Variants in CRY1 observed in about 807,000 individuals in gnomAD.
The protein encoded by CRY1 is cryptochrome-1.
In CRY1, 45 loss-of-function variants were observed where a neutral mutation model predicts 76.0. That is an observed-to-expected ratio of 0.59 (90% CI 0.47 to 0.76). The LOEUF (loss-of-function observed/expected upper bound fraction) is 0.76. CRY1 is among the 30% of genes least tolerant of loss of function. CRY1 has a pLI of 0.00. For synonymous variants in CRY1, 248 were observed against 244.0 expected (o/e 1.02, Z -0.15); for missense variants, 587 against 716.4 (o/e 0.82, Z 2.06).
At chr12:107,023,189 C>T (rs1394411849) in intron 1 of CRY1, among the ~76,000 whole-genome samples, 1 of 152,094 alleles carries the variant, frequency 6.6e-6, no homozygotes, top group Non-Finnish European at 1.5e-5. Context: ...TTTTCACAGG[C>T]CACATGGTCT....
chr12:107,076,337 G>A lies in CRY1; in HGVS notation c.158+16467C>T, dbSNP rs181804105. Among the ~76,000 whole-genome samples, 93 of 152,074 alleles carry A rather than the reference G, an allele frequency of 6.1e-4. No homozygotes were observed. In the East Asian group the frequency reaches 0.014, roughly 22 times the overall value. Reference sequence around the variant, plus strand: ...TAGAAACTCCCTTTTCAGGCTGGACGCAGTGGTGCATGCCTGTAATCCCAG... The same window carrying A: ...TAGAAACTCCCTTTTCAGGCTGGACACAGTGGTGCATGCCTGTAATCCCAG... On this transcript the variant is annotated intron_variant, in intron 1 of 12. Transcript: ENST00000008527.
Position 107,093,157 on chromosome 12 carries a change from T to A in CRY1, c.-196A>T. On this transcript the variant is annotated 5_prime_UTR_variant, in exon 1 of 13. Transcript: ENST00000008527. The stretch of plus-strand genomic sequence containing the variant: ...GCCGGAGGCGCAGTGGAAAGATGAA[T>A]GGAGGTTGCCTAGTCGGCGGAGTCC... The A allele has an allele frequency of 1.9e-5, 11 of 579,518 alleles. No homozygotes were observed. The highest frequency in any genetic ancestry group is 2.6e-5 in the Non-Finnish European group (9 of 351,418). The allele number at this position is 579,518 out of a possible 1,614,324, so 35.9% of individuals were successfully genotyped here.
At chr12:107,007,521 C>G (rs1045502163) in intron 2 of CRY1, among the ~76,000 whole-genome samples, 1 of 150,970 alleles carries the variant, frequency 6.6e-6, no homozygotes, top group African/African-American at 2.4e-5. Flanking sequence ...GACAGGAACT[C>G]TTTTTCTTCT....
chr12:107,070,956 G>A (rs185508429), intron 1 of CRY1, among the ~76,000 whole-genome samples: 60 of 150,942 alleles, frequency 4.0e-4, no homozygotes, highest in Admixed American at 6.6e-4. Context: ...CCCCTGCCTC[G>A]GCCTCCCAAA....
chr12:107,085,747 C>T (rs10746087), intron 1 of CRY1, among the ~76,000 whole-genome samples: 83,274 of 151,662 alleles, frequency 0.55, 23,204 homozygotes, highest in East Asian at 0.73. Context: ...TTGATGGGTG[C>T]AGCAAAACCA....
intron 1 of CRY1, among the ~76,000 whole-genome samples, chr12:107,065,702 A>G (rs1400149980): frequency 2.6e-5 from 4 of 152,238 alleles, no homozygotes; most frequent in African/African-American, 9.6e-5. Context: ...CTGGTGGTAG[A>G]AAGAAATACA....
intron 2 of CRY1, among the ~76,000 whole-genome samples, chr12:107,011,973 T>G (rs538712266): frequency 6.6e-6 from 1 of 152,254 alleles, no homozygotes; most frequent in East Asian, 1.9e-4. Context: ...GGCAGATGCT[T>G]GAGGTCAGGA....
intron 1 of CRY1, among the ~76,000 whole-genome samples, chr12:107,069,228 T>A (rs1953149257): frequency 6.7e-5 from 2 of 29,844 alleles, no homozygotes; most frequent in African/African-American, 9.0e-5. Context: ...CCGTTTAAAT[T>A]TTTTTTTTTT....
intron 1 of CRY1, among the ~76,000 whole-genome samples, chr12:107,024,240 T>G (rs1208672129): frequency 6.6e-6 from 1 of 152,090 alleles, no homozygotes; most frequent in Admixed American, 6.6e-5. Context: ...AACTTTTTGG[T>G]CAAAACAATT....
intron 3 of CRY1, among the ~76,000 whole-genome samples, 168 bp from the exon 4 acceptor site, chr12:107,002,116 T>A (rs2136824040): frequency 6.6e-6 from 1 of 152,198 alleles, no homozygotes; most frequent in Non-Finnish European, 1.5e-5. Context: ...GATTAATGAG[T>A]CCAAAAATCA....
chr12:107,002,945 C>T (rs1015705790), intron 3 of CRY1, among the ~76,000 whole-genome samples: 1 of 152,146 alleles, frequency 6.6e-6, no homozygotes, highest in Non-Finnish European at 1.5e-5. Flanking sequence ...GCCTTCTGAG[C>T]CGTGTGGAAT....
chr12:107,019,435 T>C (rs1465220211), intron 2 of CRY1, among the ~76,000 whole-genome samples: 2 of 152,184 alleles, frequency 1.3e-5, no homozygotes, highest in African/African-American at 2.4e-5. Context: ...TATGTGTTCA[T>C]GTATTTGTAT....
At chr12:107,002,747 G>A (rs1267690346) in intron 3 of CRY1, among the ~76,000 whole-genome samples, 19 of 152,140 alleles carry the variant, frequency 1.2e-4, no homozygotes, top group Admixed American at 1.2e-3. Context: ...TCATGGGAGG[G>A]ACCCTGTGGG....
chr12:107,084,061 G>A (rs190130573), intron 1 of CRY1, among the ~76,000 whole-genome samples: 234 of 152,076 alleles, frequency 1.5e-3, no homozygotes, highest in African/African-American at 5.1e-3. Flanking sequence ...GTCAAGTCAC[G>A]AATGAACTCC....
At chr12:107,018,531 G>A (rs558980092) in intron 2 of CRY1, among the ~76,000 whole-genome samples, 1 of 152,202 alleles carries the variant, frequency 6.6e-6, no homozygotes, top group African/African-American at 2.4e-5. Context: ...ATGTTGCAGT[G>A]AGCCAAGACA....
chr12:107,092,945 A>G lies in CRY1; in HGVS notation c.17T>C (p.Val6Ala). The G allele has an allele frequency of 1.3e-6, 2 of 1,587,660 alleles. No individual in the cohort carries two copies. Among genetic ancestry groups the G allele is most frequent in the South Asian group, 2.3e-5 (2 of 87,098 alleles). Residue 6 changes from valine (V) to alanine (A), a missense_variant, in exon 1 of 13, where the codon GTG becomes GCG. Transcript: ENST00000008527. Reference sequence around the variant, plus strand: ...CCGGAGCCCCTTTCGGAACCAGTGCACGGCGTTCACCCCCATGCCGGGGGG... The same window carrying G: ...CCGGAGCCCCTTTCGGAACCAGTGCGCGGCGTTCACCCCCATGCCGGGGGG... MGVNA[V>A]HWFRKGLRLH... is the part of the protein sequence containing the mutation.
At chr12:107,007,635 T>C (rs1410163426) in intron 2 of CRY1, among the ~76,000 whole-genome samples, 2 of 151,790 alleles carry the variant, frequency 1.3e-5, no homozygotes, top group African/African-American at 2.4e-5. Context: ...ACTTGAGCAA[T>C]TCTCCCACCT....
intron 1 of CRY1, among the ~76,000 whole-genome samples, chr12:107,038,239 T>C (rs1280750536): frequency 6.6e-6 from 1 of 152,188 alleles, no homozygotes; most frequent in Non-Finnish European, 1.5e-5. Flanking sequence ...CTGGAGTTCA[T>C]GGTAGAAGGC....
intron 1 of CRY1, among the ~76,000 whole-genome samples, chr12:107,089,457 C>T (rs765676928): frequency 3.3e-5 from 5 of 152,048 alleles, no homozygotes; most frequent in Admixed American, 6.5e-5. Context: ...GCCTCAGCCT[C>T]CTGAGTAGCT....
Sources: allele counts gnomAD v4.1 joint callset (sites outside exome capture counted in the v4.1 genomes callset), GRCh38; gene constraint gnomAD v4.1.1; transcripts MANE v1.5; gene names NCBI Gene and HGNC (gene_info 2026-07-23, HGNC 2026-07-21).